The following SAMD5 variants were observed in gnomAD, a reference collection of about 807,000 sequenced individuals.
SAMD5 encodes sterile alpha motif domain-containing protein 5.
Under a neutral mutation model 11.3 loss-of-function variants are expected in SAMD5, and 13 were observed. The observed-to-expected ratio is 1.15, with a 90% CI of 0.75 to 1.83. The LOEUF (loss-of-function observed/expected upper bound fraction) is 1.83, where lower values mean the gene tolerates loss of function less well. SAMD5 is among the 40% of genes most tolerant of loss of function. The pLI, the probability that SAMD5 is intolerant of heterozygous loss-of-function variation, is 0.00. For missense variants in SAMD5, 255 were observed against 239.1 expected (o/e 1.07, Z -0.44); for synonymous variants, 129 against 111.3 (o/e 1.16, Z -1.00).
At chr6:147,709,151 G>A (rs1201176463) in intron 1 of SAMD5, among the ~76,000 whole-genome samples, 2 of 152,088 alleles carry the variant, frequency 1.3e-5, no homozygotes, top group Non-Finnish European at 2.9e-5. Flanking sequence ...AGATAAATAA[G>A]TATTATTTTC....
the SAMD5 span, among the ~76,000 whole-genome samples, chr6:147,903,038 C>G: frequency 6.6e-6 from 1 of 152,162 alleles, no homozygotes; most frequent in African/African-American, 2.4e-5. Context: ...ACAATCTTGG[C>G]CATCTATAAT....
chr6:147,508,899 G>C lies in SAMD5; in HGVS notation c.-30G>C. On this transcript the variant is annotated 5_prime_UTR_variant, in exon 1 of 2. Transcript: ENST00000367474. The stretch of plus-strand genomic sequence containing the variant: ...CCCGTGCCATTTGGGCGCTGGGAAG[G>C]TGCTCGGCGGCGGGGTTCCCGGTCC... 1 of 1,584,214 alleles carries C rather than the reference G, an allele frequency of 6.3e-7. No individual in the cohort carries two copies. The highest frequency in any genetic ancestry group is 8.6e-7 in the Non-Finnish European group (1 of 1,166,528).
At chr6:147,864,566 A>G in the SAMD5 span, among the ~76,000 whole-genome samples, 118,393 of 152,168 alleles carry the variant, frequency 0.78, 46,171 homozygotes, top group Admixed American at 0.8. Flanking sequence ...AGGAAGGAAA[A>G]GAGCAATGCC....
chr6:147,938,488 A>C, the SAMD5 span, among the ~76,000 whole-genome samples: 1 of 152,232 alleles, frequency 6.6e-6, no homozygotes, highest in Non-Finnish European at 1.5e-5. Flanking sequence ...ACCAATAAGC[A>C]GACAATTGCC....
chr6:147,936,444 A>C, the SAMD5 span, among the ~76,000 whole-genome samples: 1 of 135,236 alleles, frequency 7.4e-6, no homozygotes, highest in South Asian at 2.6e-4. Context: ...GGCGAGGGGC[A>C]GTGGTGGGGG....
chr6:147,920,435 T>C, the SAMD5 span, among the ~76,000 whole-genome samples: 1 of 152,312 alleles, frequency 6.6e-6, no homozygotes, highest in East Asian at 1.9e-4. Context: ...TTCCCTACTT[T>C]TGAGGTTTTG....
chr6:147,645,195 C>T (rs1790379781), intron 1 of SAMD5, among the ~76,000 whole-genome samples: 3 of 152,300 alleles, frequency 2.0e-5, no homozygotes, highest in Non-Finnish European at 4.4e-5. Context: ...AGAAATGCCA[C>T]TAGCAGTTGA....
chr6:147,614,725 G>A (rs1182265509), intron 1 of SAMD5, among the ~76,000 whole-genome samples: 1 of 151,830 alleles, frequency 6.6e-6, no homozygotes, highest in Non-Finnish European at 1.5e-5. Context: ...AGAACTTTCT[G>A]GAATGTTGTC....
chr6:147,761,458 C>T, the SAMD5 span, among the ~76,000 whole-genome samples: 1 of 151,772 alleles, frequency 6.6e-6, no homozygotes, highest in African/African-American at 2.4e-5. Flanking sequence ...TTTGATAGGA[C>T]AAAGAAATAT....
At chr6:147,706,436 C>T (rs1791326078) in intron 1 of SAMD5, among the ~76,000 whole-genome samples, 1 of 152,250 alleles carries the variant, frequency 6.6e-6, no homozygotes, top group South Asian at 2.1e-4. Context: ...CCATGTTGAC[C>T]AGGCTGCTCT....
At chr6:147,814,616 T>G in the SAMD5 span, among the ~76,000 whole-genome samples, 1 of 152,182 alleles carries the variant, frequency 6.6e-6, no homozygotes, top group Non-Finnish European at 1.5e-5. Context: ...GCAGCTGGTA[T>G]TCTATATATT....
the SAMD5 span, among the ~76,000 whole-genome samples, chr6:147,859,906 T>G: frequency 6.6e-6 from 1 of 152,202 alleles, no homozygotes; most frequent in Non-Finnish European, 1.5e-5. Flanking sequence ...CAATAGATGT[T>G]ACTTATCAGG....
At chr6:147,650,763 G>T (rs1233004237) in intron 1 of SAMD5, among the ~76,000 whole-genome samples, 1 of 152,168 alleles carries the variant, frequency 6.6e-6, no homozygotes, top group East Asian at 1.9e-4. Context: ...GATGGTTTGG[G>T]TGAAAGGGAA....
chr6:147,731,891 C>T (rs954104564), intron 1 of SAMD5, among the ~76,000 whole-genome samples: 1 of 152,138 alleles, frequency 6.6e-6, no homozygotes, highest in East Asian at 1.9e-4. Context: ...AAGACCTGTG[C>T]ACTTATAAGT....
At chr6:147,919,075 A>G in the SAMD5 span, among the ~76,000 whole-genome samples, 277 of 152,278 alleles carry the variant, frequency 1.8e-3, 3 homozygotes, top group East Asian at 0.011. Context: ...AATCCAATCT[A>G]GGGATGGGGA....
At chr6:147,879,790 A>G in the SAMD5 span, among the ~76,000 whole-genome samples, 2 of 152,176 alleles carry the variant, frequency 1.3e-5, no homozygotes, top group East Asian at 3.9e-4. Context: ...CTAGAAACCA[A>G]CTGGATTCTG....
chr6:147,543,184 C>T (rs1299679029), intron 1 of SAMD5, among the ~76,000 whole-genome samples: 1 of 152,088 alleles, frequency 6.6e-6, no homozygotes, highest in African/African-American at 2.4e-5. Context: ...AAATTAAGAG[C>T]GGAAGTCCTG....
At chr6:147,509,969 C>G (rs1788062548) in intron 1 of SAMD5, among the ~76,000 whole-genome samples, 1 of 152,188 alleles carries the variant, frequency 6.6e-6, no homozygotes, top group Admixed American at 6.5e-5. Flanking sequence ...AAGCACGTGT[C>G]AGTCCACTTG....
At chr6:147,769,872 G>A in the SAMD5 span, among the ~76,000 whole-genome samples, 2 of 152,314 alleles carry the variant, frequency 1.3e-5, no homozygotes, top group Admixed American at 6.5e-5. Context: ...AAGTGTCATA[G>A]AAGAACAAAT....
Sources: allele counts gnomAD v4.1 joint callset (sites outside exome capture counted in the v4.1 genomes callset), GRCh38; gene constraint gnomAD v4.1.1; transcripts MANE v1.5; gene names NCBI Gene and HGNC (gene_info 2026-07-23, HGNC 2026-07-21).